APOOL: variants seen among roughly 807,000 people sequenced by gnomAD.
The protein encoded by APOOL is apolipoprotein O like, also known as MICOS complex subunit MIC27.
A neutral mutation model predicts 23.1 loss-of-function variants in APOOL; 12 were observed. The ratio of observed to expected loss-of-function variants is 0.52; its 90% CI spans 0.33 to 0.84. The LOEUF (loss-of-function observed/expected upper bound fraction) is 0.84. Ranked by LOEUF, APOOL falls within the 40% of genes least tolerant of loss-of-function variation. The pLI is 0.02. For missense variants in APOOL, 212 were observed against 199.6 expected (o/e 1.06, Z -0.37); for synonymous variants, 77 against 69.9 (o/e 1.10, Z -0.51).
chrX:85,036,241 T>G (rs1922211756), intron 1 of APOOL, among the ~76,000 whole-genome samples: 1 of 111,971 alleles, frequency 8.9e-6, no homozygotes. Context: ...TCATGGCTAT[T>G]GTGAATGGGA....
intron 1 of APOOL, among the ~76,000 whole-genome samples, chrX:85,008,086 C>A (rs1921139537): frequency 9.0e-6 from 1 of 111,336 alleles, no homozygotes; most frequent in African/African-American, 3.3e-5. Context: ...AGCTATAAGA[C>A]CCTCTGGGTT....
At chrX:85,024,759 G>A (rs1247399161) in intron 1 of APOOL, among the ~76,000 whole-genome samples, 4 of 112,482 alleles carry the variant, frequency 3.6e-5, no homozygotes, top group African/African-American at 6.5e-5. Flanking sequence ...CCTCTCTATG[G>A]GGCAGAAGCT....
intron 1 of APOOL, among the ~76,000 whole-genome samples, chrX:85,017,360 G>A (rs903151688): frequency 9.0e-6 from 1 of 111,634 alleles, no homozygotes; most frequent in Non-Finnish European, 1.9e-5. Context: ...GCAGTGCCCT[G>A]CTAACAGTTT....
In APOOL at chrX:85,062,135, T is replaced by G. The variant is rs138436296; in HGVS notation, c.395-4992T>G. Among the ~76,000 whole-genome samples, 219 of 111,928 alleles carry G rather than the reference T, an allele frequency of 2.0e-3. 9 individuals are homozygous for G. In the East Asian group the frequency reaches 0.044, roughly 23 times the overall value. On this transcript the variant is annotated intron_variant, in intron 5 of 8. Transcript: ENST00000373173. Reference sequence around the variant, plus strand: ...TTTATTTCTGCCTTCATTTCATTATTTACCCAGTAATCATTCAGGAGCAGG... The same window carrying G: ...TTTATTTCTGCCTTCATTTCATTATGTACCCAGTAATCATTCAGGAGCAGG...
At chrX:85,071,930 T>C (rs1479015748) in intron 6 of APOOL, among the ~76,000 whole-genome samples, 2 of 111,300 alleles carry the variant, frequency 1.8e-5, no homozygotes, top group African/African-American at 6.5e-5. Context: ...CCGTCTCTAC[T>C]AAAAATACAA....
chrX:85,078,249 C>A (rs980614835), intron 8 of APOOL, among the ~76,000 whole-genome samples: 1 of 111,894 alleles, frequency 8.9e-6, no homozygotes, highest in Non-Finnish European at 1.9e-5. Flanking sequence ...TTTAATCCAT[C>A]TTGAATTAAT....
intron 8 of APOOL, among the ~76,000 whole-genome samples, chrX:85,081,967 A>G (rs1043435261): frequency 2.6e-4 from 29 of 111,633 alleles, no homozygotes; most frequent in Admixed American, 1.9e-4. Flanking sequence ...TCTTCTCTAC[A>G]CTGTTCTAGT....
intron 5 of APOOL, among the ~76,000 whole-genome samples, chrX:85,061,468 C>T (rs183871700): frequency 0.014 from 1,559 of 111,966 alleles, 21 homozygotes; most frequent in African/African-American, 0.048. Context: ...ACCAGCTCCT[C>T]TTTGTACCTC....
chrX:85,088,077 C>CAT lies in APOOL; in HGVS notation c.*404_*405dup, dbSNP rs1432579718. The CAT allele has an allele frequency of 6.7e-4, 2 of 2,986 alleles. No individual in the cohort carries two copies. Among genetic ancestry groups the CAT allele is most frequent in the African/African-American group, 8.4e-4 (1 of 1,192 alleles). The allele number at this position is 2,986 out of a possible 1,213,427, so 0.2% of individuals were successfully genotyped here. ...ATACATATATGTATAAATACATATA[C>CAT]ATATATGTATAAATACATATACATA... On this transcript the variant is annotated 3_prime_UTR_variant, in exon 9 of 9. Coordinates refer to ENST00000373173, the MANE Select transcript of APOOL (RefSeq NM_198450.6).
At chrX:85,020,097 G>T (rs1569453521) in intron 1 of APOOL, among the ~76,000 whole-genome samples, 1 of 111,824 alleles carries the variant, frequency 8.9e-6, no homozygotes, top group East Asian at 2.8e-4. Flanking sequence ...CTGAACAGAG[G>T]CATTGTCAGC....
chrX:85,039,569 A>G (rs1922340674), intron 1 of APOOL, among the ~76,000 whole-genome samples: 1 of 111,496 alleles, frequency 9.0e-6, no homozygotes, highest in Non-Finnish European at 1.9e-5. Flanking sequence ...TAAGAACTAG[A>G]ACTTACTTTA....
intron 6 of APOOL, among the ~76,000 whole-genome samples, chrX:85,069,083 G>A (rs1323714818): frequency 9.0e-6 from 1 of 111,346 alleles, no homozygotes; most frequent in Non-Finnish European, 1.9e-5. Context: ...TGTTCTTCTA[G>A]GGTAAATAAT....
rs368082420 is a variant in APOOL, at chrX:85,039,896, A to C, written c.16-6550A>C. ...TTCAAATGGGGCATTTAGCCTGTTT[A>C]CATTCAAGTTTAACATTGATATGTG... On this transcript the variant is annotated intron_variant, in intron 1 of 8. Coordinates refer to ENST00000373173, the MANE Select transcript of APOOL (RefSeq NM_198450.6). Among the ~76,000 whole-genome samples, 15 of 112,028 alleles carry C rather than the reference A, an allele frequency of 1.3e-4. No individual in the cohort carries two copies. In the East Asian group the frequency reaches 2.0e-3, roughly 15 times the overall value.
intron 1 of APOOL, among the ~76,000 whole-genome samples, chrX:85,009,702 G>C (rs768205827): frequency 5.4e-5 from 6 of 110,367 alleles, no homozygotes; most frequent in African/African-American, 2.0e-4. Flanking sequence ...AGGTAAACTC[G>C]TATCATGGGC....
intron 2 of APOOL, among the ~76,000 whole-genome samples, chrX:85,048,826 C>T (rs1337365801): frequency 9.0e-6 from 1 of 111,483 alleles, no homozygotes; most frequent in East Asian, 2.8e-4. Flanking sequence ...TAAATATTCT[C>T]AATATATTCC....
chrX:85,014,529 AT>A (rs59334184), intron 1 of APOOL, among the ~76,000 whole-genome samples: 5,493 of 91,155 alleles, frequency 0.06, 350 homozygotes, highest in African/African-American at 0.19. Flanking sequence ...AATTCTCAGC[AT>A]TTTTTTTTTT....
At chrX:85,032,703 AATT>A (rs1429073116) in intron 1 of APOOL, among the ~76,000 whole-genome samples, 2 of 111,440 alleles carry the variant, frequency 1.8e-5, no homozygotes, top group Non-Finnish European at 3.8e-5. Flanking sequence ...ATTTCAGAAT[AATT>A]CTTTCATACA....
intron 2 of APOOL, among the ~76,000 whole-genome samples, chrX:85,049,670 C>T (rs1922695183): frequency 9.1e-6 from 1 of 110,221 alleles, no homozygotes; most frequent in African/African-American, 3.3e-5. Flanking sequence ...GCCTGTAGTC[C>T]CAGCTACTCG....
intron 1 of APOOL, among the ~76,000 whole-genome samples, chrX:85,004,906 C>G (rs1431844651): frequency 1.8e-5 from 2 of 111,291 alleles, no homozygotes; most frequent in Non-Finnish European, 3.8e-5. Flanking sequence ...ACTTTCCAGC[C>G]TCATCTCTTG....
Sources: allele counts gnomAD v4.1 joint callset (sites outside exome capture counted in the v4.1 genomes callset), GRCh38; gene constraint gnomAD v4.1.1; transcripts MANE v1.5; gene names NCBI Gene and HGNC (gene_info 2026-07-23, HGNC 2026-07-21).